Variants in QRICH1 observed in about 807,000 individuals in gnomAD.
QRICH1 encodes transcriptional regulator QRICH1.
Under a neutral mutation model 87.1 loss-of-function variants are expected in QRICH1, and 16 were observed. The observed-to-expected ratio is 0.18, with a 90% confidence interval of 0.12 to 0.28. QRICH1 has a LOEUF of 0.28. QRICH1 is among the 10% of genes least tolerant of loss of function. The pLI, the probability that QRICH1 is intolerant of heterozygous loss-of-function variation, is 1.00. For synonymous variants in QRICH1, 367 were observed against 368.4 expected (o/e 1.00, Z 0.05); for missense variants, 647 against 951.7 (o/e 0.68, Z 4.21).
At chr3:49,047,616 T>C (rs1459866081) in intron 3 of QRICH1, among the ~76,000 whole-genome samples, 1 of 150,712 alleles carries the variant, frequency 6.6e-6, no homozygotes, top group Non-Finnish European at 1.5e-5. Flanking sequence ...CCCGAGTACC[T>C]GGGTTTACAG....
At position 49,078,445 on chromosome 3, in the gene QRICH1, A is replaced by AGT. The variant is rs553631957; in HGVS notation, c.-21-1409_-21-1408dup. Among the ~76,000 whole-genome samples, 98 of 111,740 alleles carry AGT rather than the reference A, an allele frequency of 8.8e-4. 1 individual carries two copies. The East Asian group carries it at 0.023, about 26-fold the overall frequency. 73.3% of individuals were successfully genotyped at this position (111,740 alleles called of 152,430 possible). A position where few individuals can be genotyped will look rare whatever the true frequency, so the allele number is the denominator to read the frequency against. Reference sequence around the variant, plus strand: ...AGTCTCATTCTGTTGCCCAGGCTGGAGTGCAGTGGCTTGATCTTGGCTCAC... The same window carrying AGT: ...AGTCTCATTCTGTTGCCCAGGCTGGAGTGTGCAGTGGCTTGATCTTGGCTCAC... On this transcript the variant is annotated intron_variant, in intron 1 of 9. Coordinates refer to ENST00000395443, the MANE Select transcript of QRICH1 (RefSeq NM_198880.3).
intron 3 of QRICH1, among the ~76,000 whole-genome samples, chr3:49,050,422 C>CA (rs552220438): frequency 0.079 from 4,639 of 58,502 alleles, 404 homozygotes; most frequent in Non-Finnish European, 0.098. Flanking sequence ...GACTCTGTCT[C>CA]AAAAAAAAAA....
intron 2 of QRICH1, among the ~76,000 whole-genome samples, chr3:49,059,055 G>A (rs9841401): frequency 0.023 from 3,438 of 149,940 alleles, 148 homozygotes; most frequent in African/African-American, 0.079. Context: ...TCCGCCTCCC[G>A]GGTTCACGCC....
At chr3:49,049,670 G>A (rs1314162095) in intron 3 of QRICH1, among the ~76,000 whole-genome samples, 1 of 151,414 alleles carries the variant, frequency 6.6e-6, no homozygotes, top group Non-Finnish European at 1.5e-5. Context: ...GCTAATTTTT[G>A]TATTTTTAGT....
At chr3:49,053,867 T>C (rs1406268950) in intron 3 of QRICH1, among the ~76,000 whole-genome samples, 1 of 152,162 alleles carries the variant, frequency 6.6e-6, no homozygotes, top group Non-Finnish European at 1.5e-5. Context: ...CCCTTAGGGT[T>C]CAACTTGACT....
At chr3:49,090,490 T>A (rs1575390317) in intron 1 of QRICH1, among the ~76,000 whole-genome samples, 1 of 147,714 alleles carries the variant, frequency 6.8e-6, no homozygotes, top group Non-Finnish European at 1.5e-5. Flanking sequence ...TAGCCCAGCG[T>A]GGTGGCGGGC....
At chr3:49,093,271 G>A (rs538209761) in intron 1 of QRICH1, 3 of 152,232 alleles carry the variant, frequency 2.0e-5, no homozygotes, top group Non-Finnish European at 2.9e-5. Context: ...CTCAAGTAAC[G>A]GCATTCTTCG....
chr3:49,077,161 A>T (rs1354868208), intron 1 of QRICH1, 123 bp from the exon 2 acceptor site: 18 of 530,388 alleles, frequency 3.4e-5, no homozygotes, highest in Middle Eastern at 5.4e-4. Context: ...ATCAAAAAAT[A>T]AAGTTTTATT....
intron 5 of QRICH1, among the ~76,000 whole-genome samples, chr3:49,044,715 G>A (rs936670939): frequency 3.9e-5 from 6 of 152,150 alleles, no homozygotes; most frequent in African/African-American, 1.4e-4. Context: ...AAATAAGGCA[G>A]ATGTTGTGAA....
chr3:49,068,369 A>AC (rs1399873697), intron 2 of QRICH1, among the ~76,000 whole-genome samples: 2 of 151,818 alleles, frequency 1.3e-5, no homozygotes, highest in African/African-American at 2.4e-5. Context: ...AGGTGGGAGG[A>AC]TCCCTTAAGC....
At chr3:49,066,674 A>G (rs2093470289) in intron 2 of QRICH1, among the ~76,000 whole-genome samples, 2 of 152,072 alleles carry the variant, frequency 1.3e-5, no homozygotes, top group African/African-American at 4.8e-5. Context: ...CAAAGGCATG[A>G]GCCACTGCAC....
At chr3:49,072,018 GTACCTTTTCTTCCT>G (rs2041842551) in intron 2 of QRICH1, among the ~76,000 whole-genome samples, 1 of 151,824 alleles carries the variant, frequency 6.6e-6, no homozygotes, top group Non-Finnish European at 1.5e-5. Flanking sequence ...AACCTTTCCT[GTACCTTTTCTTCCT>G]TACAAAGACA....
At chr3:49,070,901 G>A (rs536657791) in intron 2 of QRICH1, among the ~76,000 whole-genome samples, 2 of 152,022 alleles carry the variant, frequency 1.3e-5, no homozygotes, top group South Asian at 2.1e-4. Flanking sequence ...TAGTGATCTC[G>A]GTCAGTGGCT....
chr3:49,075,233 G>A (rs1032499011), intron 2 of QRICH1, among the ~76,000 whole-genome samples: 4 of 151,636 alleles, frequency 2.6e-5, no homozygotes, highest in Non-Finnish European at 4.4e-5. Flanking sequence ...GGAGGTTGAG[G>A]CTGGATGATC....
At chr3:49,058,189 G>A (rs909966561) in intron 2 of QRICH1, among the ~76,000 whole-genome samples, 19 of 151,810 alleles carry the variant, frequency 1.3e-4, no homozygotes, top group Admixed American at 1.1e-3. Context: ...TCGCTCTGTC[G>A]CCCAGGCTGG....
In QRICH1 at chr3:49,031,085, G is replaced by A. The variant is rs553838384; in HGVS notation, c.2139-441C>T. 6.0e-3 allele frequency among the ~76,000 whole-genome samples: 895 copies of A among 149,272 alleles called. 17 individuals are homozygous for A. The highest frequency in any genetic ancestry group is 3.8e-3 in the Non-Finnish European group (257 of 67,624). On this transcript the variant is annotated intron_variant, in intron 9 of 9. Coordinates refer to ENST00000395443, the MANE Select transcript of QRICH1 (RefSeq NM_198880.3). ...CACTGCAACCTCCGCCCCCTTGGTT[G>A]AAGCGATTCTCCTGCCTCAGCCTCT... is the stretch of plus-strand genomic sequence containing the variant.
intron 3 of QRICH1, among the ~76,000 whole-genome samples, chr3:49,054,308 G>T (rs924530636): frequency 4.6e-5 from 7 of 152,160 alleles, no homozygotes; most frequent in African/African-American, 1.7e-4. Context: ...GTGAACAAAA[G>T]CTGAGCATAG....
intron 6 of QRICH1, among the ~76,000 whole-genome samples, chr3:49,040,902 C>T (rs1192112753): frequency 6.6e-6 from 1 of 152,156 alleles, no homozygotes; most frequent in Non-Finnish European, 1.5e-5. Flanking sequence ...TGAATTTCTG[C>T]CATTCTAATA....
intron 1 of QRICH1, 52 bp from the exon 2 acceptor site, chr3:49,077,090 C>T: frequency 8.1e-7 from 1 of 1,228,312 alleles, no homozygotes; most frequent in Non-Finnish European, 1.1e-6. Context: ...CAGGAAATGC[C>T]CAGAAGCAAT....
Sources: allele counts gnomAD v4.1 joint callset (sites outside exome capture counted in the v4.1 genomes callset), GRCh38; gene constraint gnomAD v4.1.1; transcripts MANE v1.5; gene names NCBI Gene and HGNC (gene_info 2026-07-23, HGNC 2026-07-21).